Variants in DENND1A observed in about 807,000 individuals in gnomAD.
DENND1A encodes DENN domain-containing protein 1A.
In DENND1A, 51 loss-of-function variants were observed where a neutral mutation model predicts 113.7. The ratio of observed to expected loss-of-function variants is 0.45; its 90% CI spans 0.36 to 0.57. The LOEUF is 0.57. Ranked by LOEUF, DENND1A falls within the 20% of genes least tolerant of loss-of-function variation. DENND1A has a pLI of 0.00. For synonymous variants in DENND1A, 565 were observed against 570.8 expected, an observed-to-expected ratio of 0.99 and a Z score of 0.14; for missense variants, 1,258 against 1,395.9, an observed-to-expected ratio of 0.90 and a Z score of 1.57.
chr9:123,722,863 TG>T (rs915752211), intron 5 of DENND1A, among the ~76,000 whole-genome samples: 37 of 152,332 alleles, frequency 2.4e-4, no homozygotes, highest in African/African-American at 8.4e-4. Context: ...AAATGTGGGT[TG>T]GAGCTCCCAC....
chr9:123,628,727 T>C (rs896302636), intron 10 of DENND1A, among the ~76,000 whole-genome samples: 1 of 152,046 alleles, frequency 6.6e-6, no homozygotes, highest in African/African-American at 2.4e-5. Flanking sequence ...GAAAATAGTT[T>C]CCAAAATAAA....
chr9:123,635,991 GGAA>G (rs2061681885), intron 9 of DENND1A, among the ~76,000 whole-genome samples: 1 of 152,160 alleles, frequency 6.6e-6, no homozygotes, highest in Non-Finnish European at 1.5e-5. Flanking sequence ...CAATTCTAGA[GGAA>G]TTGCTATCCT....
chr9:123,478,748 T>A (rs920415523), intron 13 of DENND1A, among the ~76,000 whole-genome samples: 4 of 152,358 alleles, frequency 2.6e-5, no homozygotes, highest in East Asian at 3.9e-4. Context: ...GTATTCACCA[T>A]AAAATTCTTT....
intron 1 of DENND1A, among the ~76,000 whole-genome samples, chr9:123,926,638 G>T (rs571311491): frequency 6.9e-6 from 1 of 145,478 alleles, no homozygotes; most frequent in African/African-American, 2.5e-5. Flanking sequence ...ATTTGCCTTA[G>T]AAATTTATAA....
At chr9:123,701,606 T>C (rs1365093015) in intron 5 of DENND1A, among the ~76,000 whole-genome samples, 1 of 152,206 alleles carries the variant, frequency 6.6e-6, no homozygotes, top group Non-Finnish European at 1.5e-5. Context: ...ATTTGAGTTC[T>C]GGCCTGCATC....
At chr9:123,581,084 G>T (rs964006963) in intron 12 of DENND1A, among the ~76,000 whole-genome samples, 9 of 150,332 alleles carry the variant, frequency 6.0e-5, no homozygotes, top group Non-Finnish European at 1.3e-4. Context: ...AGGGCAGAGG[G>T]GCCATGTGGG....
Position 123,893,854 on chromosome 9 carries a change from A to G in DENND1A, c.18-14833T>C, listed in dbSNP as rs532955167. ...GTGTTCCATCTCCTAACAATGTCCT[A>G]TTTATTCAAGATGCATCTAGAACAG... On this transcript the variant is annotated intron_variant, in intron 1 of 23. Transcript: ENST00000394215. 2.2e-3 allele frequency among the ~76,000 whole-genome samples: 340 copies of G among 152,318 alleles called. 3 individuals carry two copies. Among genetic ancestry groups the G allele is most frequent in the African/African-American group, 7.7e-3 (321 of 41,580 alleles).
At chr9:123,647,217 G>GA (rs140064880) in intron 9 of DENND1A, among the ~76,000 whole-genome samples, 33 of 150,172 alleles carry the variant, frequency 2.2e-4, no homozygotes, top group Admixed American at 4.0e-4. Flanking sequence ...AACTTTCAAA[G>GA]AAAAAAAAAA....
chr9:123,481,794 TTTC>T (rs1473883370), intron 13 of DENND1A, among the ~76,000 whole-genome samples: 3 of 147,214 alleles, frequency 2.0e-5, no homozygotes, highest in Non-Finnish European at 3.0e-5. Context: ...TTTTTCTTTC[TTTC>T]TTTTTTTTTT....
intron 19 of DENND1A, among the ~76,000 whole-genome samples, chr9:123,418,656 C>T (rs982056338): frequency 6.6e-6 from 1 of 152,188 alleles, no homozygotes; most frequent in Non-Finnish European, 1.5e-5. Context: ...CCTGCCTGTG[C>T]TGTGGGCAGA....
At position 123,425,308 on chromosome 9, in the gene DENND1A, G is replaced by A. The variant is rs534617883; in HGVS notation, c.1489-13479C>T. On this transcript the variant is annotated intron_variant, in intron 19 of 23. Transcript: ENST00000394215. ...AGGGAGCTGGATTCTGAGCAGCTCC[G>A]ACACAGACCTTTAAAGAAATGCCGT... 3.3e-5 allele frequency among the ~76,000 whole-genome samples: 5 copies of A among 152,314 alleles called. No individual in the cohort carries two copies. The South Asian group carries it at 1.0e-3, about 32-fold the overall frequency.
Position 123,383,846 on chromosome 9 carries a change from G to T in DENND1A, c.1828C>A (p.Gln610Lys). 1 of 1,613,808 alleles carries T rather than the reference G, an allele frequency of 6.2e-7. No individual in the cohort carries two copies. ...AEGDEAESPE[Q>K]QVRKSTGPVP... ...GGGCCTGTGGACTTCCGCACTTGCT[G>T]CTCTGGACTCTCTGCCTCGTCGCCT... The change falls in exon 23 of 24, where the codon CAG becomes AAG. Residue 610 changes from glutamine (Q) to lysine (K), a missense_variant. Transcript: ENST00000394215.
intron 13 of DENND1A, among the ~76,000 whole-genome samples, chr9:123,486,124 A>T (rs895439005): frequency 1.3e-5 from 2 of 152,200 alleles, no homozygotes; most frequent in African/African-American, 4.8e-5. Context: ...GGCTTTGGCC[A>T]AGTCACAACC....
Position 123,381,407 on chromosome 9 carries a change from G to C in DENND1A, c.*25C>G, listed in dbSNP as rs1397131213. 2.5e-6 allele frequency: 4 copies of C among 1,607,922 alleles called. No individual in the cohort carries two copies. The highest frequency in any genetic ancestry group is 3.4e-6 in the Non-Finnish European group (4 of 1,176,580). ...AGTGGACGGACCCTCGGGCCTCGGT[G>C]CATCCCCCACCCTCAGGGCCCGGCT... On this transcript the variant is annotated 3_prime_UTR_variant, in exon 24 of 24. Transcript: ENST00000394215. The surrounding 1 kb of genome is among the most constrained non-coding windows in gnomAD (Gnocchi z 4.7).
Position 123,387,843 on chromosome 9 carries a change from C to T in DENND1A, c.1647G>A (p.Leu549=), listed in dbSNP as rs1270990501. The stretch of plus-strand genomic sequence containing the variant: ...CGGAGAGGAAGACCGCATAGTGTCG[C>T]AAGGGCTTTACCAGGCTGGGGCAGA... ...VPSPEHLVKP[L]RHYAVFLSED... The change falls in exon 22 of 24, where the codon TTG becomes TTA. Residue 549 remains leucine (L), a synonymous_variant. Coordinates refer to ENST00000394215, the MANE Select transcript of DENND1A (RefSeq NM_001352964.2). 7 of 1,289,868 alleles carry T rather than the reference C, an allele frequency of 5.4e-6. No homozygotes were observed. The East Asian group carries it at 3.9e-4, about 72-fold the overall frequency. The allele number at this position is 1,289,868 out of a possible 1,614,324, so 79.9% of individuals were successfully genotyped here.
intron 2 of DENND1A, among the ~76,000 whole-genome samples, chr9:123,868,431 G>A (rs1421535632): frequency 6.6e-6 from 1 of 152,178 alleles, no homozygotes; most frequent in Non-Finnish European, 1.5e-5. Flanking sequence ...TAAAATAACA[G>A]CTCCCATTTA....
chr9:123,851,188 C>G (rs1564388731), intron 2 of DENND1A, among the ~76,000 whole-genome samples: 2 of 152,198 alleles, frequency 1.3e-5, no homozygotes, highest in Non-Finnish European at 2.9e-5. Flanking sequence ...TGCTGCACTC[C>G]CCACCACCCA....
rs369425267 is a variant in DENND1A at position 123,607,429 on chromosome 9, A to AG, written c.765+2006dup. On this transcript the variant is annotated intron_variant, in intron 11 of 23. Transcript: ENST00000394215. ...GGCAGTAGTGCCATTCACAGGGACC[A>AG]GGAACAGTGGAAGGGGAGTGGAGTG... Among the ~76,000 whole-genome samples the AG allele has an allele frequency of 6.2e-5, 9 of 145,360 alleles. No individual in the cohort carries two copies. The East Asian group carries it at 2.0e-3, about 32-fold the overall frequency.
At chr9:123,877,224 C>A (rs760463536) in intron 2 of DENND1A, among the ~76,000 whole-genome samples, 5 of 152,178 alleles carry the variant, frequency 3.3e-5, no homozygotes, top group African/African-American at 9.7e-5. Flanking sequence ...CGGTGGCTCA[C>A]GCCTGTAAGT....
Sources: allele counts gnomAD v4.1 joint callset (sites outside exome capture counted in the v4.1 genomes callset), GRCh38; gene constraint gnomAD v4.1.1; non-coding constraint Gnocchi (gnomAD v3.1); transcripts MANE v1.5; gene names NCBI Gene and HGNC (gene_info 2026-07-23, HGNC 2026-07-21).